Variants in UTRN observed in about 807,000 individuals in gnomAD.
The protein encoded by UTRN is utrophin.
A neutral mutation model predicts 463.9 loss-of-function variants in UTRN; 283 were observed. That is an observed-to-expected ratio of 0.61 (90% confidence interval 0.55 to 0.67). UTRN has a LOEUF of 0.67. Ranked by LOEUF, UTRN falls within the 30% of genes least tolerant of loss-of-function variation. UTRN has a pLI of 0.00. For synonymous variants in UTRN, 1,442 were observed against 1,431.5 expected (o/e 1.01, Z -0.17); for missense variants, 3,922 against 4,084.3 (o/e 0.96, Z 1.08).
At chr6:144,457,617 T>C (rs1788989244) in intron 19 of UTRN, among the ~76,000 whole-genome samples, 1 of 152,206 alleles carries the variant, frequency 6.6e-6, no homozygotes, top group South Asian at 2.1e-4. Context: ...TGTCTCATAT[T>C]CTCTTACCTG....
At chr6:144,551,329 T>G (rs1005088770) in intron 48 of UTRN, among the ~76,000 whole-genome samples, 5 of 152,206 alleles carry the variant, frequency 3.3e-5, no homozygotes, top group African/African-American at 1.2e-4. Flanking sequence ...GACTCTTAAG[T>G]AATTACTTAC....
chr6:144,735,544 A>G (rs1789287065), intron 54 of UTRN, among the ~76,000 whole-genome samples: 1 of 152,224 alleles, frequency 6.6e-6, no homozygotes, highest in Non-Finnish European at 1.5e-5. Flanking sequence ...GTAACTTCAT[A>G]CAACAAGAAA....
At chr6:144,699,209 G>T (rs1375712096) in intron 52 of UTRN, among the ~76,000 whole-genome samples, 1 of 152,088 alleles carries the variant, frequency 6.6e-6, no homozygotes, top group East Asian at 1.9e-4. Context: ...GGAGTCCCTG[G>T]CCGGTGGATC....
chr6:144,824,429 C>CATTGTATATATAT (rs1562954193), intron 66 of UTRN, among the ~76,000 whole-genome samples: 20 of 44,694 alleles, frequency 4.5e-4, no homozygotes, highest in South Asian at 3.0e-3. Flanking sequence ...TACACACACA[C>CATTGTATATATAT]ACATTGTATA....
At chr6:144,728,443 A>G (rs1438398416) in intron 53 of UTRN, among the ~76,000 whole-genome samples, 1 of 149,994 alleles carries the variant, frequency 6.7e-6, no homozygotes, top group Non-Finnish European at 1.5e-5. Context: ...ATTTCCATAT[A>G]TTAAAACTTT....
intron 2 of UTRN, among the ~76,000 whole-genome samples, chr6:144,369,024 T>C (rs1377756556): frequency 1.3e-5 from 2 of 152,234 alleles, no homozygotes; most frequent in African/African-American, 4.8e-5. Context: ...CATAAACTTT[T>C]TTTGGATTGA....
chr6:144,710,211 T>C (rs924166321), intron 53 of UTRN, among the ~76,000 whole-genome samples: 2 of 152,216 alleles, frequency 1.3e-5, no homozygotes, highest in Non-Finnish European at 2.9e-5. Context: ...TCTCCTATGT[T>C]CAAACACCTA....
At chr6:144,635,645 T>C (rs914138985) in intron 51 of UTRN, among the ~76,000 whole-genome samples, 2 of 148,598 alleles carry the variant, frequency 1.3e-5, no homozygotes, top group African/African-American at 4.9e-5. Flanking sequence ...GTTCATGAGA[T>C]CCTCCCACCT....
chr6:144,580,189 A>G (rs1053469881), intron 51 of UTRN, among the ~76,000 whole-genome samples: 4 of 151,622 alleles, frequency 2.6e-5, no homozygotes, highest in Admixed American at 2.6e-4. Flanking sequence ...ATGGCAAATC[A>G]TAACAGAAAA....
chr6:144,384,506 G>C (rs1781240218), intron 2 of UTRN, among the ~76,000 whole-genome samples: 1 of 152,016 alleles, frequency 6.6e-6, no homozygotes, highest in African/African-American at 2.4e-5. Context: ...TGGAAAAATT[G>C]TCTTTCACAA....
At chr6:144,479,728 T>C (rs1791650264) in intron 25 of UTRN, 84 bp from the exon 26 acceptor site, 2 of 1,478,202 alleles carry the variant, frequency 1.4e-6, no homozygotes, top group African/African-American at 2.8e-5. Context: ...AAGTTATTAC[T>C]GTGCCTTTAA....
rs916398836 is a variant in UTRN at position 144,700,223 on chromosome 6, C to T, written c.7789C>T (p.Leu2597Phe). The change falls in exon 53 of 75, where the codon CTC becomes TTC. Residue 2597 changes from leucine (L) to phenylalanine (F), a missense_variant. Coordinates refer to ENST00000367545, the MANE Select transcript of UTRN (RefSeq NM_007124.3). ...TGGAGGAGATGTTCCAGCCTTACAG[C>T]TCCAGTATGACCATTGTAAGGTAAG... ...PIGGDVPALQLQYDHCKALRR... is the reference protein window; with the variant it reads ...PIGGDVPALQFQYDHCKALRR... The T allele has an allele frequency of 6.2e-7, 1 of 1,612,898 alleles. No individual in the cohort carries two copies. The highest frequency in any genetic ancestry group is 8.5e-7 in the Non-Finnish European group (1 of 1,179,240).
chr6:144,364,690 G>A (rs1379269691), intron 2 of UTRN, among the ~76,000 whole-genome samples: 3 of 152,172 alleles, frequency 2.0e-5, no homozygotes, highest in Non-Finnish European at 1.5e-5. Context: ...CATTTCTGAA[G>A]GTTAGAAGTC....
chr6:144,301,546 T>C lies in UTRN; in HGVS notation c.79+9639T>C, dbSNP rs202019070. 0.014 allele frequency among the ~76,000 whole-genome samples: 1,852 copies of C among 132,112 alleles called. 84 individuals carry two copies. In the East Asian group the frequency reaches 0.17, roughly 12 times the overall value. 86.7% of individuals were successfully genotyped at this position (132,112 alleles called of 152,430 possible). ...TATCTTTCTTTCTTTCTTTTTTTTTTTTTTTTTTTTTTTTTGAGACAGGGT... is the reference window on the plus strand; with the variant it reads ...TATCTTTCTTTCTTTCTTTTTTTTTCTTTTTTTTTTTTTTTGAGACAGGGT... On this transcript the variant is annotated intron_variant, in intron 2 of 74. Coordinates refer to ENST00000367545, the MANE Select transcript of UTRN (RefSeq NM_007124.3).
At chr6:144,821,390 T>C (rs2128753373) in intron 66 of UTRN, among the ~76,000 whole-genome samples, 1 of 152,186 alleles carries the variant, frequency 6.6e-6, no homozygotes, top group East Asian at 1.9e-4. Context: ...TGTTTTACTA[T>C]TTCTCAGAGT....
At position 144,435,981 on chromosome 6, in the gene UTRN, C is replaced by T; in HGVS notation, c.902C>T (p.Pro301Leu). The change falls in exon 10 of 75, where the codon CCC becomes CTC. Residue 301 changes from proline to leucine, a missense_variant. By Grantham distance (98) the Pro-to-Leu change is moderately conservative (BLOSUM62 -3). Around this residue, in one of 3 missense-constraint regions of UTRN, gnomAD observed 2,349 missense variants for 2,303.8 expected, o/e 1.02. Transcript: ENST00000367545. ...EEHESPRAET[P>L]STVTEVDMDL... ...CATGAGAGTCCCCGAGCTGAAACTC[C>T]CAGCACTGTCACTGAGGTTGACATG... The T allele has an allele frequency of 6.2e-7, 1 of 1,614,178 alleles. No homozygotes were observed. Among genetic ancestry groups the T allele is most frequent in the South Asian group, 1.1e-5 (1 of 91,088 alleles).
At chr6:144,580,477 A>T (rs1217857926) in intron 51 of UTRN, among the ~76,000 whole-genome samples, 1 of 152,200 alleles carries the variant, frequency 6.6e-6, no homozygotes, top group East Asian at 1.9e-4. Flanking sequence ...GATAGGTCTA[A>T]AGCACATGGA....
intron 41 of UTRN, among the ~76,000 whole-genome samples, chr6:144,529,766 T>A (rs972940466): frequency 1.3e-5 from 2 of 152,084 alleles, no homozygotes; most frequent in African/African-American, 2.4e-5. Context: ...TTAGGGGTTA[T>A]TGATATTAGG....
At chr6:144,427,610 A>T (rs966116889) in intron 7 of UTRN, among the ~76,000 whole-genome samples, 2 of 152,118 alleles carry the variant, frequency 1.3e-5, no homozygotes, top group African/African-American at 4.8e-5. Flanking sequence ...TAATAAAAGG[A>T]GTGCTTTTAG....
Sources: allele counts gnomAD v4.1 joint callset (sites outside exome capture counted in the v4.1 genomes callset), GRCh38; gene constraint gnomAD v4.1.1; regional missense constraint gnomAD v4.1.1; transcripts MANE v1.5; gene names NCBI Gene and HGNC (gene_info 2026-07-23, HGNC 2026-07-21).